The following GIPR variants were observed in gnomAD, a reference collection of about 807,000 sequenced individuals.
The protein encoded by GIPR is gastric inhibitory polypeptide receptor.
GIPR carries 74 observed loss-of-function variants against 62.2 expected under a neutral mutation model. The ratio of observed to expected loss-of-function variants is 1.19; its 90% CI spans 0.99 to 1.44. The LOEUF is 1.44. Ranked by LOEUF, GIPR falls within the 40% of genes most tolerant of loss-of-function variation. GIPR has a pLI of 0.00. For missense variants in GIPR, 664 were observed against 611.8 expected (o/e 1.09, Z -0.90); for synonymous variants, 256 against 262.2 (o/e 0.98, Z 0.23).
At chr19:45,679,430 C>T (rs992672095) in intron 12 of GIPR, among the ~76,000 whole-genome samples, 3 of 145,942 alleles carry the variant, frequency 2.1e-5, no homozygotes, top group Non-Finnish European at 4.5e-5. Flanking sequence ...TGCAGTGAGC[C>T]GAGATCACGC....
rs573888876 is a variant in GIPR at position 45,680,076 on chromosome 19, C to T, written c.1153-1528C>T. 5.1e-4 allele frequency among the ~76,000 whole-genome samples: 78 copies of T among 152,178 alleles called. 1 individual carries two copies. Among genetic ancestry groups the T allele is most frequent in the African/African-American group, 1.7e-3 (71 of 41,532 alleles). On this transcript the variant is annotated intron_variant, in intron 12 of 13. Coordinates refer to ENST00000590918, the MANE Select transcript of GIPR (RefSeq NM_000164.4). ...TGAGCCACCGCGCCTGGCCAAGATC[C>T]TCATCTCTACCAAAAATAAAAAATT...
chr19:45,677,290 C>CGGGGGG (rs781768473), intron 8 of GIPR, 33 bp from the exon 9 acceptor site: 3 of 681,688 alleles, frequency 4.4e-6, no homozygotes, highest in Non-Finnish European at 6.9e-6. Flanking sequence ...ACAGCTGCGG[C>CGGGGGG]GGGGTGGGGG....
chr19:45,674,748 G>A lies in GIPR; in HGVS notation c.555G>A (p.Ala185=), dbSNP rs373642527. 25 of 1,613,668 alleles carry A rather than the reference G, an allele frequency of 1.5e-5. No individual in the cohort carries two copies. The highest frequency in any genetic ancestry group is 1.5e-4 in the Admixed American group (9 of 59,952). ...TCACGTCTTTCATGCTGCGAGCTGCGGCCATTCTCAGCCGAGACCGTCTGC... is the reference window on the plus strand; with the variant it reads ...TCACGTCTTTCATGCTGCGAGCTGCAGCCATTCTCAGCCGAGACCGTCTGC... The part of the protein sequence containing the change: ...NLFTSFMLRA[A]AILSRDRLLP... The change falls in exon 7 of 14, where the codon GCG becomes GCA. Residue 185 remains alanine, a synonymous_variant. Coordinates refer to ENST00000590918, the MANE Select transcript of GIPR (RefSeq NM_000164.4).
Position 45,681,600 on chromosome 19 carries a change from G to C in GIPR, c.1153-4G>C, listed in dbSNP as rs201575060. On this transcript the variant is annotated splice_polypyrimidine_tract_variant and splice_region_variant and intron_variant, in intron 12 of 13. Coordinates refer to ENST00000590918, the MANE Select transcript of GIPR (RefSeq NM_000164.4). ...GATGTAACCTCCGCGCCTCCTCTGG[G>C]CAGGGCTTCCTGGTCAGCGTCCTCT... 3 of 1,613,720 alleles carry C rather than the reference G, an allele frequency of 1.9e-6. No individual in the cohort carries two copies. The South Asian group carries it at 3.3e-5, about 18-fold the overall frequency.
Position 45,678,206 on chromosome 19 carries a change from A to T in GIPR, c.1132A>T (p.Ile378Phe). The T allele has an allele frequency of 6.4e-7, 1 of 1,574,692 alleles. No individual in the cohort carries two copies. Among genetic ancestry groups the T allele is most frequent in the Non-Finnish European group, 8.6e-7 (1 of 1,160,678 alleles). Residue 378 changes from isoleucine (I) to phenylalanine (F), a missense_variant, in exon 12 of 14, where the codon ATC becomes TTC. Coordinates refer to ENST00000590918, the MANE Select transcript of GIPR (RefSeq NM_000164.4). Reference sequence around the variant, plus strand: ...GCGCTTCGCCAAGCTCGGCTTTGAGATCTTCCTCAGCTCCTTCCAGGTGCT... The same window carrying T: ...GCGCTTCGCCAAGCTCGGCTTTGAGTTCTTCCTCAGCTCCTTCCAGGTGCT... ...ALRFAKLGFEIFLSSFQGFLV... is the reference protein window; with the variant it reads ...ALRFAKLGFEFFLSSFQGFLV...
chr19:45,683,155 C>T lies in GIPR; in HGVS notation c.*1220C>T, dbSNP rs1319880048. 6.6e-6 allele frequency: 1 copy of T among 152,552 alleles called. No individual in the cohort carries two copies. The highest frequency in any genetic ancestry group is 1.5e-5 in the Non-Finnish European group (1 of 68,300). The allele number at this position is 152,552 out of a possible 1,614,324, so 9.4% of individuals were successfully genotyped here. A position where few individuals can be genotyped will look rare whatever the true frequency, so the allele number is the denominator to read the frequency against. On this transcript the variant is annotated 3_prime_UTR_variant, in exon 14 of 14. Transcript: ENST00000590918. Reference sequence around the variant, plus strand: ...GGGTAGGGGGAGAACCACGTGTGCTCTTTGGAAAGGTTAGGCTGGCAGTGT... The same window carrying T: ...GGGTAGGGGGAGAACCACGTGTGCTTTTTGGAAAGGTTAGGCTGGCAGTGT...
rs199991013 is a variant in GIPR, at chr19:45,674,096, G to A, written c.407G>A (p.Arg136Gln). 18 of 1,611,878 alleles carry A rather than the reference G, an allele frequency of 1.1e-5. No homozygotes were observed. Among genetic ancestry groups the A allele is most frequent in the African/African-American group, 6.7e-5 (5 of 74,972 alleles). Reference protein sequence around the residue: ...AFLDQRLILERLQVMYTVGYS... With the variant: ...AFLDQRLILEQLQVMYTVGYS... The stretch of plus-strand genomic sequence containing the variant: ...CAGGACCAAAGGCTCATCTTGGAGC[G>A]GTTGCAGGTCATGTACACTGTCGGC... The change falls in exon 6 of 14, where the codon CGG becomes CAG. Residue 136 changes from arginine to glutamine, a missense_variant. Arg to Gln is a conservative substitution (Grantham distance 43). Transcript: ENST00000590918.
intron 7 of GIPR, among the ~76,000 whole-genome samples, chr19:45,676,436 T>G (rs1465710702): frequency 7.6e-6 from 1 of 131,642 alleles, no homozygotes; most frequent in Non-Finnish European, 1.7e-5. Flanking sequence ...ATTTTTTTTT[T>G]TTTTTTTTTT....
intron 12 of GIPR, among the ~76,000 whole-genome samples, chr19:45,680,197 A>C (rs1409580917): frequency 6.6e-6 from 1 of 152,134 alleles, no homozygotes; most frequent in African/African-American, 2.4e-5. Context: ...CCCTGTCTCT[A>C]CTTAAAATAC....
chr19:45,679,426 G>A (rs961083923), intron 12 of GIPR, among the ~76,000 whole-genome samples: 1 of 149,580 alleles, frequency 6.7e-6, no homozygotes, highest in Admixed American at 6.8e-5. Context: ...AGGTTGCAGT[G>A]AGCCGAGATC....
intron 3 of GIPR, among the ~76,000 whole-genome samples, 193 bp downstream of exon 3, chr19:45,670,927 A>C (rs1975502595): frequency 1.3e-5 from 2 of 151,790 alleles, no homozygotes; most frequent in Admixed American, 1.3e-4. Flanking sequence ...AGGAAGCTTG[A>C]AATGGGAGGA....
intron 10 of GIPR, 60 bp from the exon 11 acceptor site, chr19:45,677,846 C>T (rs1222220007): frequency 1.3e-6 from 2 of 1,595,440 alleles, no homozygotes; most frequent in African/African-American, 2.7e-5. Flanking sequence ...TGGGCTGCCA[C>T]CTCCTCCTGC....
chr19:45,674,445 G>A (rs1302247765), intron 6 of GIPR: 3 of 624,850 alleles, frequency 4.8e-6, no homozygotes, highest in Admixed American at 2.5e-5. Context: ...TTGTCTCTAC[G>A]ACAAATAAAA....
intron 5 of GIPR, among the ~76,000 whole-genome samples, chr19:45,673,419 C>CAAAAAAAAAAAAAAAAAAAAA (rs71175203): frequency 1.2e-5 from 1 of 82,740 alleles, no homozygotes; most frequent in Non-Finnish European, 2.4e-5. Context: ...GACTCCATCT[C>CAAAAAAAAAAAAAAAAAAAAA]AAAAAAAAAA....
At chr19:45,679,659 T>C (rs1174875640) in intron 12 of GIPR, among the ~76,000 whole-genome samples, 1 of 152,016 alleles carries the variant, frequency 6.6e-6, no homozygotes, top group Non-Finnish European at 1.5e-5. Flanking sequence ...CTGGATCCAG[T>C]GCAGGGGTGT....
At chr19:45,681,667 G>A (rs371121150) in intron 13 of GIPR, 22 bp downstream of exon 13, 15 of 1,612,580 alleles carry the variant, frequency 9.3e-6, no homozygotes, top group Non-Finnish European at 1.2e-5. Context: ...CCCGGCCGCC[G>A]CCCCCGCCCT....
Position 45,678,234 on chromosome 19 carries a change from G to C in GIPR, c.1152+8G>C. ...TTCCTCAGCTCCTTCCAGGTGCTCA[G>C]GCAGGGTGCAGGGGCTCCATCCTTC... On this transcript the variant is annotated splice_region_variant and intron_variant, in intron 12 of 13. Coordinates refer to ENST00000590918, the MANE Select transcript of GIPR (RefSeq NM_000164.4). The C allele has an allele frequency of 6.4e-7, 1 of 1,554,810 alleles. No individual in the cohort carries two copies. The highest frequency in any genetic ancestry group is 8.7e-7 in the Non-Finnish European group (1 of 1,150,722).
chr19:45,671,258 G>A (rs780698992), intron 3 of GIPR, 27 bp from the exon 4 acceptor site: 43 of 1,382,596 alleles, frequency 3.1e-5, no homozygotes, highest in Non-Finnish European at 4.0e-5. Context: ...GGTCCACTGG[G>A]CACCTGGCCC....
At chr19:45,675,146 G>C in intron 7 of GIPR, 1 of 356,100 alleles carries the variant, frequency 2.8e-6, no homozygotes, top group South Asian at 2.6e-5. Context: ...GGCATGGCAG[G>C]ATACGAGAAA....
Sources: gnomAD v4.1 joint callset for allele counts (sites outside exome capture counted in the v4.1 genomes callset) on GRCh38, gnomAD v4.1.1 for gene constraint, MANE v1.5 for transcripts, NCBI Gene and HGNC (gene_info 2026-07-23, HGNC 2026-07-21) for gene names.